The following TRAPPC6A variants were observed in gnomAD, a reference collection of about 807,000 sequenced individuals.
TRAPPC6A encodes trafficking protein particle complex subunit 6A.
TRAPPC6A carries 25 observed loss-of-function variants against 20.8 expected under a neutral mutation model. The ratio of observed to expected loss-of-function variants is 1.20; its 90% CI spans 0.88 to 1.68. The LOEUF (loss-of-function observed/expected upper bound fraction) is 1.68. Ranked by LOEUF, TRAPPC6A falls within the 40% of genes most tolerant of loss-of-function variation. TRAPPC6A has a pLI of 0.00. For synonymous variants in TRAPPC6A, 96 were observed against 93.3 expected (o/e 1.03, Z -0.16); for missense variants, 215 against 211.6 (o/e 1.02, Z -0.10).
At chr19:45,171,437 G>C (rs987803322) in intron 1 of TRAPPC6A, among the ~76,000 whole-genome samples, 7 of 152,192 alleles carry the variant, frequency 4.6e-5, no homozygotes, top group African/African-American at 1.7e-4. Context: ...TGCCTCTGCT[G>C]AGTTTACACA....
chr19:45,163,033 CTCT>C lies in TRAPPC6A; in HGVS notation c.*156_*158del. The stretch of plus-strand genomic sequence containing the variant: ...ACCGCAGCTGGGACCCCTTTGCCTC[CTCT>C]GACACCCCCACCTCAATTTGATACC... On this transcript the variant is annotated 3_prime_UTR_variant, in exon 6 of 6. Transcript: ENST00000585934. This position sits in a 1 kb window ranked among gnomAD's most constrained non-coding sequence, Gnocchi z 5.3. The C allele has an allele frequency of 2.5e-6, 2 of 810,806 alleles. No homozygotes were observed. Among genetic ancestry groups the C allele is most frequent in the South Asian group, 3.6e-5 (2 of 56,264 alleles). The allele number at this position is 810,806 out of a possible 1,614,324, so 50.2% of individuals were successfully genotyped here. A position where few individuals can be genotyped will look rare whatever the true frequency, so the allele number is the denominator to read the frequency against.
chr19:45,175,494 G>C (rs1479577894), intron 1 of TRAPPC6A, among the ~76,000 whole-genome samples: 1 of 152,048 alleles, frequency 6.6e-6, no homozygotes, highest in Non-Finnish European at 1.5e-5. Flanking sequence ...AAAAGTGCGA[G>C]AGGGAGACCA....
In TRAPPC6A at chr19:45,163,011, G is replaced by T; in HGVS notation, c.*181C>A. On this transcript the variant is annotated 3_prime_UTR_variant, in exon 6 of 6. Coordinates refer to ENST00000585934, the MANE Select transcript of TRAPPC6A (RefSeq NM_001270891.2). The surrounding 1 kb of genome is among the most constrained non-coding windows in gnomAD (Gnocchi z 5.3). ...CGGGAATCCCACCACAGTCCTGACC[G>T]CAGCTGGGACCCCTTTGCCTCCTCT... is the stretch of plus-strand genomic sequence containing the variant. 6.5e-6 allele frequency: 4 copies of T among 612,434 alleles called. No homozygotes were observed. Among genetic ancestry groups the T allele is most frequent in the South Asian group, 2.1e-5 (1 of 47,460 alleles). 37.9% of individuals were successfully genotyped at this position (612,434 alleles called of 1,614,324 possible).
At chr19:45,174,548 C>T (rs928463175) in intron 1 of TRAPPC6A, among the ~76,000 whole-genome samples, 2 of 152,100 alleles carry the variant, frequency 1.3e-5, no homozygotes, top group East Asian at 1.9e-4. Flanking sequence ...CCTGGCAGGG[C>T]GTGCTGGCTC....
chr19:45,168,885 G>A (rs2122839042), intron 1 of TRAPPC6A, among the ~76,000 whole-genome samples: 1 of 152,322 alleles, frequency 6.6e-6, no homozygotes, highest in East Asian at 1.9e-4. Context: ...AGGAGCGCTG[G>A]GAATGGCGGG....
At chr19:45,169,379 C>T (rs932581570) in intron 1 of TRAPPC6A, among the ~76,000 whole-genome samples, 1 of 152,206 alleles carries the variant, frequency 6.6e-6, no homozygotes, top group African/African-American at 2.4e-5. Flanking sequence ...TCACTGCAGC[C>T]TCTACCTCCT....
Position 45,165,117 on chromosome 19 carries a change from C to T in TRAPPC6A, c.152+10G>A. On this transcript the variant is annotated intron_variant, in intron 2 of 5. Transcript: ENST00000585934. The stretch of plus-strand genomic sequence containing the variant: ...CCAGGCTGGGGGAGAGCAGGAGGGG[C>T]CGCGCTCACCTCTCGCCTAGAGCCT... 2.5e-6 allele frequency: 4 copies of T among 1,612,216 alleles called. No individual in the cohort carries two copies. In the South Asian group the frequency reaches 4.4e-5, roughly 18 times the overall value.
At chr19:45,166,183 A>AT (rs1969147399) in intron 1 of TRAPPC6A, among the ~76,000 whole-genome samples, 1 of 151,700 alleles carries the variant, frequency 6.6e-6, no homozygotes, top group South Asian at 2.1e-4. Flanking sequence ...AAGTGCTGGG[A>AT]TTACAGGCGT....
At chr19:45,177,191 GCACACACACACACACACACA>G (rs57127361) in intron 1 of TRAPPC6A, among the ~76,000 whole-genome samples, 57 of 147,998 alleles carry the variant, frequency 3.9e-4, no homozygotes, top group African/African-American at 1.3e-3. Flanking sequence ...GCGCGTGCGC[GCACACACACACACACACACA>G]CACACACAGT....
In TRAPPC6A at chr19:45,172,355, G is replaced by A. The variant is rs1284953118; in HGVS notation, c.84+5780C>T. 2.0e-5 allele frequency among the ~76,000 whole-genome samples: 3 copies of A among 151,530 alleles called. No homozygotes were observed. Among genetic ancestry groups the A allele is most frequent in the Non-Finnish European group, 2.9e-5 (2 of 68,018 alleles). ...TTCTGCCCTGAACTGGGAGGGAGGC[G>A]GGTGGGGGCCATGTGCTCCACCCCT... On this transcript the variant is annotated intron_variant, in intron 1 of 5. Transcript: ENST00000585934. The surrounding 1 kb of genome is among the most constrained non-coding windows in gnomAD (Gnocchi z 4.2).
intron 1 of TRAPPC6A, 31 bp downstream of exon 1, chr19:45,178,104 C>A: frequency 6.2e-7 from 1 of 1,612,740 alleles, no homozygotes; most frequent in African/African-American, 1.3e-5. Context: ...TTGGTGGCCC[C>A]CGCTTCCTCC....
chr19:45,175,898 C>T (rs1285402653), intron 1 of TRAPPC6A, among the ~76,000 whole-genome samples: 2 of 152,268 alleles, frequency 1.3e-5, no homozygotes, highest in East Asian at 3.9e-4. Flanking sequence ...ATAGCAGTTA[C>T]ACAATGTACC....
chr19:45,163,204 A>C lies in TRAPPC6A; in HGVS notation c.468T>G (p.Ile156Met). Residue 156 changes from isoleucine to methionine, a missense_variant, in exon 6 of 6, where the codon ATT (isoleucine) becomes ATG (methionine). Coordinates refer to ENST00000585934, the MANE Select transcript of TRAPPC6A (RefSeq NM_001270891.2). The surrounding 1 kb of genome is among the most constrained non-coding windows in gnomAD (Gnocchi z 5.3). ...GTGCGAGGCAGGCTTAGGATTTCGG[A>C]ATCACCACCTGGAACTTACCTGGAA... ...ALPVCKFQVV[I>M]PKS 6.2e-7 allele frequency: 1 copy of C among 1,613,876 alleles called. No individual in the cohort carries two copies. Among genetic ancestry groups the C allele is most frequent in the Non-Finnish European group, 8.5e-7 (1 of 1,179,852 alleles).
At chr19:45,169,438 A>T (rs1427734559) in intron 1 of TRAPPC6A, among the ~76,000 whole-genome samples, 1 of 152,236 alleles carries the variant, frequency 6.6e-6, no homozygotes, top group Non-Finnish European at 1.5e-5. Flanking sequence ...CTGGGACTAC[A>T]GGTGTGAGCC....
rs187288407 is a variant in TRAPPC6A at position 45,172,371 on chromosome 19, C to A, written c.84+5764G>T. The stretch of plus-strand genomic sequence containing the variant: ...GAGGGAGGCGGGTGGGGGCCATGTG[C>A]TCCACCCCTTCCTGTCTCTTGTGTC... On this transcript the variant is annotated intron_variant, in intron 1 of 5. Coordinates refer to ENST00000585934, the MANE Select transcript of TRAPPC6A (RefSeq NM_001270891.2). This position sits in a 1 kb window ranked among gnomAD's most constrained non-coding sequence, Gnocchi z 4.2. 7.9e-5 allele frequency among the ~76,000 whole-genome samples: 12 copies of A among 151,732 alleles called. No homozygotes were observed. The highest frequency in any genetic ancestry group is 7.2e-4 in the Admixed American group (11 of 15,266).
In TRAPPC6A at chr19:45,178,161, C is replaced by T; in HGVS notation, c.58G>A (p.Ala20Thr). The change falls in exon 1 of 6, where the codon GCT (alanine) becomes ACT (threonine). Residue 20 changes from alanine (A) to threonine (T), a missense_variant. By Grantham distance (58) the Ala-to-Thr change is moderately conservative. Transcript: ENST00000585934. Reference sequence around the variant, plus strand: ...CCCGGGCCGGGGTCGGGGTCGTGAGCCCACAGCTCAGCCACCATCTCCGTG... The same window carrying T: ...CCCGGGCCGGGGTCGGGGTCGTGAGTCCACAGCTCAGCCACCATCTCCGTG... ...LHTEMVAELW[A>T]HDPDPGPGGQ... 1 of 1,613,126 alleles carries T rather than the reference C, an allele frequency of 6.2e-7. No homozygotes were observed.
rs754892989 is a variant in TRAPPC6A at position 45,164,895 on chromosome 19, C to T, written c.228G>A (p.Ala76=). The change falls in exon 3 of 6, where the codon GCG becomes GCA. Residue 76 remains alanine (A), a synonymous_variant. Coordinates refer to ENST00000585934, the MANE Select transcript of TRAPPC6A (RefSeq NM_001270891.2). ...LKFLCKDLWV[A]VFQKQMDSLR... Reference sequence around the variant, plus strand: ...GGCTGTCCATCTGCTTCTGGAACACCGCCACCCACAGGTCTTTGCACAAGA... The same window carrying T: ...GGCTGTCCATCTGCTTCTGGAACACTGCCACCCACAGGTCTTTGCACAAGA... 8.7e-6 allele frequency: 14 copies of T among 1,614,014 alleles called. No homozygotes were observed. The highest frequency in any genetic ancestry group is 4.0e-5 in the African/African-American group (3 of 74,936).
In TRAPPC6A at chr19:45,173,151, CCT is replaced by C. The variant is rs988671586; in HGVS notation, c.84+4982_84+4983del. Among the ~76,000 whole-genome samples, 3 of 151,626 alleles carry C rather than the reference CCT, an allele frequency of 2.0e-5. No individual in the cohort carries two copies. The East Asian group carries it at 5.8e-4, about 29-fold the overall frequency. On this transcript the variant is annotated intron_variant, in intron 1 of 5. Coordinates refer to ENST00000585934, the MANE Select transcript of TRAPPC6A (RefSeq NM_001270891.2). The surrounding 1 kb of genome is among the most constrained non-coding windows in gnomAD (Gnocchi z 4.8). ...CTTTACTACATGCACTCAGGGGAAT[CCT>C]CTCTTTGCCCAAAGGCTTCCCTTGT...
At chr19:45,176,634 T>C (rs920864044) in intron 1 of TRAPPC6A, among the ~76,000 whole-genome samples, 1 of 149,982 alleles carries the variant, frequency 6.7e-6, no homozygotes, top group Non-Finnish European at 1.5e-5. Flanking sequence ...ATTTTTGATT[T>C]ATGATGTTTT....
Sources: allele counts gnomAD v4.1 joint callset (sites outside exome capture counted in the v4.1 genomes callset), GRCh38; gene constraint gnomAD v4.1.1; non-coding constraint Gnocchi (gnomAD v3.1); transcripts MANE v1.5; gene names NCBI Gene and HGNC (gene_info 2026-07-23, HGNC 2026-07-21).